The following NUP155 variants were observed in gnomAD, a reference collection of about 807,000 sequenced individuals.
The protein encoded by NUP155 is nucleoporin 155.
A neutral mutation model predicts 180.4 loss-of-function variants in NUP155; 71 were observed. The ratio of observed to expected loss-of-function variants is 0.39; its 90% CI spans 0.33 to 0.48. The LOEUF is 0.48. Ranked by LOEUF, NUP155 falls within the 20% of genes least tolerant of loss-of-function variation. NUP155 has a pLI of 0.91. For synonymous variants in NUP155, 582 were observed against 559.5 expected, an observed-to-expected ratio of 1.04 and a Z score of -0.57; for missense variants, 1,553 against 1,648.9, an observed-to-expected ratio of 0.94 and a Z score of 1.01.
At chr5:37,338,654 C>T (rs1237259795) in intron 11 of NUP155, among the ~76,000 whole-genome samples, 1 of 152,156 alleles carries the variant, frequency 6.6e-6, no homozygotes, top group East Asian at 1.9e-4. Flanking sequence ...ATCCGCCCAA[C>T]TTGGCCTCCC....
chr5:37,345,727 A>G (rs527425046), intron 9 of NUP155, among the ~76,000 whole-genome samples: 1 of 151,772 alleles, frequency 6.6e-6, no homozygotes, highest in East Asian at 1.9e-4. Context: ...GCATGGTGAA[A>G]CCCTGTCTCT....
chr5:37,324,298 A>G (rs1291352852), intron 19 of NUP155, among the ~76,000 whole-genome samples, 191 bp from the exon 20 acceptor site: 3 of 152,176 alleles, frequency 2.0e-5, no homozygotes, highest in African/African-American at 7.2e-5. Flanking sequence ...CTAACATACA[A>G]TAAAATACAA....
At chr5:37,359,831 T>C (rs572146830) in intron 3 of NUP155, among the ~76,000 whole-genome samples, 11 of 152,248 alleles carry the variant, frequency 7.2e-5, no homozygotes, top group South Asian at 2.1e-4. Context: ...AGGCTTTATA[T>C]AGGAAAAATT....
chr5:37,299,194 T>C (rs1742737916), intron 31 of NUP155, among the ~76,000 whole-genome samples: 1 of 152,224 alleles, frequency 6.6e-6, no homozygotes, highest in Non-Finnish European at 1.5e-5. Flanking sequence ...TGTCTCAGTA[T>C]CTTTTATAAG....
At chr5:37,333,706 A>C (rs1745129685) in intron 12 of NUP155, 73 bp from the exon 13 acceptor site, 8 of 1,046,872 alleles carry the variant, frequency 7.6e-6, no homozygotes, top group Non-Finnish European at 1.1e-5. Context: ...CTACAGACTT[A>C]ATAAAGAAGT....
At chr5:37,341,834 C>A (rs1233716328) in intron 10 of NUP155, among the ~76,000 whole-genome samples, 1 of 152,144 alleles carries the variant, frequency 6.6e-6, no homozygotes, top group Non-Finnish European at 1.5e-5. Flanking sequence ...GCCACCGCAC[C>A]CGGCTCCCCT....
At chr5:37,329,990 TG>T in intron 15 of NUP155, 47 bp downstream of exon 15, 1 of 1,267,356 alleles carries the variant, frequency 7.9e-7, no homozygotes, top group Non-Finnish European at 1.1e-6. Context: ...TTTTAAAAAG[TG>T]GCCCAGTAAA....
intron 22 of NUP155, among the ~76,000 whole-genome samples, chr5:37,311,916 G>A (rs1176281208): frequency 1.3e-5 from 2 of 152,180 alleles, no homozygotes; most frequent in Non-Finnish European, 2.9e-5. Context: ...AGCTACTCGG[G>A]AAGCTGAGGC....
chr5:37,324,078 T>C lies in NUP155; in HGVS notation c.2121A>G (p.Leu707=). The C allele has an allele frequency of 1.9e-6, 3 of 1,613,636 alleles. No individual in the cohort carries two copies. The highest frequency in any genetic ancestry group is 2.5e-6 in the Non-Finnish European group (3 of 1,179,596). ...CCTTTAGTTCTTGTAGCACTGACTC[T>C]AGCAGTTGGCAGGGAACACTACTTT... ...AIESSVPCQL[L]ESVLQELKGL... is the part of the protein sequence containing the mutation. The change falls in exon 20 of 35, where the codon CTA becomes CTG. Residue 707 remains leucine (L), a synonymous_variant. Coordinates refer to ENST00000231498, the MANE Select transcript of NUP155 (RefSeq NM_153485.3).
Position 37,337,723 on chromosome 5 carries a change from C to T in NUP155, c.1347+95G>A, listed in dbSNP as rs892439537. The T allele has an allele frequency of 1.1e-5, 8 of 714,092 alleles. No individual in the cohort carries two copies. In the African/African-American group the frequency reaches 1.3e-4, roughly 11 times the overall value. 44.2% of individuals were successfully genotyped at this position (714,092 alleles called of 1,614,324 possible). On this transcript the variant is annotated intron_variant, in intron 12 of 34. Transcript: ENST00000231498. ...ATTTCTAATAATACGTTATTAGAAG[C>T]AAACAGCAATACATCAGAAGATAAA...
At chr5:37,318,239 TTA>T (rs1168803465) in intron 20 of NUP155, among the ~76,000 whole-genome samples, 154 bp from the exon 21 acceptor site, 1 of 152,114 alleles carries the variant, frequency 6.6e-6, no homozygotes, top group Admixed American at 6.6e-5. Flanking sequence ...CAGAAAAAAT[TTA>T]TGACACAGAC....
At position 37,309,656 on chromosome 5, in the gene NUP155, G is replaced by A. The variant is rs1023237001; in HGVS notation, c.2629-389C>T. The A allele has an allele frequency of 2.2e-5, 4 of 180,812 alleles. No homozygotes were observed. The South Asian group carries it at 5.0e-4, about 22-fold the overall frequency. 11.2% of individuals were successfully genotyped at this position (180,812 alleles called of 1,614,324 possible). ...TTGAAGTTTTAGTACTTTTCCTTAA[G>A]CTAAGGAGATAAATTATCCCCTAAA... On this transcript the variant is annotated intron_variant, in intron 23 of 34. Coordinates refer to ENST00000231498, the MANE Select transcript of NUP155 (RefSeq NM_153485.3).
In NUP155 at chr5:37,310,655, A is replaced by G. The variant is rs1426103359; in HGVS notation, c.2525T>C (p.Ile842Thr). The G allele has an allele frequency of 6.2e-7, 1 of 1,613,874 alleles. No individual in the cohort carries two copies. Among genetic ancestry groups the G allele is most frequent in the East Asian group, 2.2e-5 (1 of 44,820 alleles). Residue 842 changes from isoleucine to threonine, a missense_variant, in exon 23 of 35, where the codon ATC becomes ACC. Physicochemically the swap from Ile to Thr is moderately conservative, Grantham distance 89 (BLOSUM62 -1). Transcript: ENST00000231498. ...ELTGALIASL[I>T]NCYIRDNAAV... ...GGCATTATCTCTGATGTAGCAGTTGATAAGAGAAGCAATTAATGCCCCTGT... is the reference window on the plus strand; with the variant it reads ...GGCATTATCTCTGATGTAGCAGTTGGTAAGAGAAGCAATTAATGCCCCTGT...
At chr5:37,296,656 C>G (rs543093219) in intron 32 of NUP155, among the ~76,000 whole-genome samples, 3 of 151,442 alleles carry the variant, frequency 2.0e-5, no homozygotes, top group Non-Finnish European at 2.9e-5. Context: ...GCCAAATCCC[C>G]CTCTGCGAGA....
At chr5:37,352,599 A>G (rs1746538495) in intron 5 of NUP155, 138 bp downstream of exon 5, 1 of 669,956 alleles carries the variant, frequency 1.5e-6, no homozygotes, top group South Asian at 1.6e-5. Context: ...TGTGGAAAAG[A>G]GCCTGAGGAT....
Position 37,358,099 on chromosome 5 carries a change from G to A in NUP155, c.445C>T (p.Leu149Phe), listed in dbSNP as rs750616383. 1 of 1,612,484 alleles carries A rather than the reference G, an allele frequency of 6.2e-7. No individual in the cohort carries two copies. The highest frequency in any genetic ancestry group is 8.5e-7 in the Non-Finnish European group (1 of 1,178,546). The change falls in exon 4 of 35, where the codon CTT becomes TTT. Residue 149 changes from leucine (L) to phenylalanine (F), a missense_variant. Leu to Phe is a conservative substitution (Grantham distance 22). Transcript: ENST00000231498. ...TTCTTACCTGCTTTTGGCTTCACAA[G>A]CCCCACAGCAAGAATAGTCTCACTA... ...GLSETILAVG[L>F]VKPKAGIFQP...
rs536030248 is a variant in NUP155, at chr5:37,349,121, A to T, written c.903+51T>A. 3.1e-5 allele frequency: 14 copies of T among 445,396 alleles called. No individual in the cohort carries two copies. In the South Asian group the frequency reaches 5.2e-4, roughly 17 times the overall value. The allele number at this position is 445,396 out of a possible 1,614,324, so 27.6% of individuals were successfully genotyped here. A position where few individuals can be genotyped will look rare whatever the true frequency, so the allele number is the denominator to read the frequency against. Reference sequence around the variant, plus strand: ...TTAAGAGGTGGGAATTGTCTTCCTTAAAAATAAGGATTTATTTGACTCTTA... The same window carrying T: ...TTAAGAGGTGGGAATTGTCTTCCTTTAAAATAAGGATTTATTTGACTCTTA... On this transcript the variant is annotated intron_variant, in intron 8 of 34. Transcript: ENST00000231498.
At position 37,321,863 on chromosome 5, in the gene NUP155, AT is replaced by A. The variant is rs565585262; in HGVS notation, c.2207+2128del. On this transcript the variant is annotated intron_variant, in intron 20 of 34. Transcript: ENST00000231498. Reference sequence around the variant, plus strand: ...GTATGCTTTATTATTTATTTATGATATTTTTTTTTGAGACAGAGTTTCACTC... The same window carrying A: ...GTATGCTTTATTATTTATTTATGATATTTTTTTTGAGACAGAGTTTCACTC... 1.9e-4 allele frequency among the ~76,000 whole-genome samples: 29 copies of A among 151,250 alleles called. No individual in the cohort carries two copies. In the South Asian group the frequency reaches 3.8e-3, roughly 20 times the overall value.
intron 9 of NUP155, among the ~76,000 whole-genome samples, chr5:37,344,912 C>T (rs1051334593): frequency 6.6e-6 from 1 of 150,782 alleles, no homozygotes; most frequent in African/African-American, 2.4e-5. Flanking sequence ...CGGTGGTTCA[C>T]ATCTGTAATC....
Sources: gnomAD v4.1 joint callset for allele counts (sites outside exome capture counted in the v4.1 genomes callset) on GRCh38, gnomAD v4.1.1 for gene constraint, MANE v1.5 for transcripts, NCBI Gene and HGNC (gene_info 2026-07-23, HGNC 2026-07-21) for gene names.